Variants in ZNF324B observed in about 807,000 individuals in gnomAD.
ZNF324B encodes zinc finger protein 324B.
In ZNF324B, 7 loss-of-function variants were observed where a neutral mutation model predicts 10.6. That is an observed-to-expected ratio of 0.66 (90% CI 0.38 to 1.24). The LOEUF (loss-of-function observed/expected upper bound fraction) is 1.24, where lower values mean the gene tolerates loss of function less well. ZNF324B is among the 50% of genes most tolerant of loss of function. The pLI is 0.02. For synonymous variants in ZNF324B, 316 were observed against 321.0 expected (o/e 0.98, Z 0.17); for missense variants, 640 against 764.7 (o/e 0.84, Z 1.92).
Position 58,455,233 on chromosome 19 carries a change from G to A in ZNF324B, c.289G>A (p.Ala97Thr), listed in dbSNP as rs751263920. ...AGATGTTTCTGGAGAATGGCCACGA[G>A]CTTTCCCAGATACCCCACCTGGGAT... ...DRDVSGEWPR[A>T]FPDTPPGMTT... The change falls in exon 4 of 4, where the codon GCT (alanine) becomes ACT (threonine). Residue 97 changes from alanine (A) to threonine (T), a missense_variant. Ala to Thr is a moderately conservative substitution (Grantham distance 58). Transcript: ENST00000336614. The surrounding 1 kb of genome is among the most constrained non-coding windows in gnomAD (Gnocchi z 7.0). The A allele has an allele frequency of 1.9e-6, 3 of 1,614,212 alleles. No individual in the cohort carries two copies. Among genetic ancestry groups the A allele is most frequent in the Non-Finnish European group, 1.7e-6 (2 of 1,180,038 alleles).
At chr19:58,432,966 A>T in the ZNF324B span, 1 of 173,022 alleles carries the variant, frequency 5.8e-6, no homozygotes. Flanking sequence ...TCCTGAGCTC[A>T]AATTAGATTT....
chr19:58,430,844 A>C, the ZNF324B span: 1 of 152,212 alleles, frequency 6.6e-6, no homozygotes, highest in Non-Finnish European at 1.5e-5. Context: ...GCTTCTCCCT[A>C]TCATGGCCTG....
At position 58,456,132 on chromosome 19, in the gene ZNF324B, C is replaced by T. The variant is rs748299553; in HGVS notation, c.1188C>T (p.Pro396=). ...AGCGTACGCACACAGGCGAGAAGCC[C>T]TTCGTATGCGCGCTCTGCGGTGCTG... ...QHERTHTGEK[P]FVCALCGAAF... The change falls in exon 4 of 4, where the codon CCC becomes CCT. Residue 396 remains proline (P), a synonymous_variant. Coordinates refer to ENST00000336614, the MANE Select transcript of ZNF324B (RefSeq NM_207395.3). The surrounding 1 kb of genome is among the most constrained non-coding windows in gnomAD (Gnocchi z 4.7). The T allele has an allele frequency of 7.4e-6, 12 of 1,613,422 alleles. No individual in the cohort carries two copies. Among genetic ancestry groups the T allele is most frequent in the African/African-American group, 2.7e-5 (2 of 74,932 alleles).
chr19:58,424,335 T>G, the ZNF324B span, among the ~76,000 whole-genome samples: 1 of 152,310 alleles, frequency 6.6e-6, no homozygotes, highest in South Asian at 2.1e-4. Flanking sequence ...GCTAAATATA[T>G]TCGACATCTT....
chr19:58,434,960 T>C, the ZNF324B span: 6 of 1,614,182 alleles, frequency 3.7e-6, no homozygotes, highest in African/African-American at 8.0e-5. Flanking sequence ...CTGTGCTCCT[T>C]CTGGTGCTGG....
chr19:58,452,494 C>G (rs1241076748), intron 1 of ZNF324B: 2 of 153,304 alleles, frequency 1.3e-5, no homozygotes, highest in Non-Finnish European at 2.9e-5. Context: ...GGTGGGCGAC[C>G]AGGTGAATTC....
chr19:58,431,771 CAGG>C, the ZNF324B span, among the ~76,000 whole-genome samples: 12 of 152,166 alleles, frequency 7.9e-5, no homozygotes, highest in Non-Finnish European at 1.5e-5. Context: ...GCAGGCAGAT[CAGG>C]AGGTCAGGAG....
chr19:58,454,195 T>C (rs758137523), intron 2 of ZNF324B, 33 bp from the exon 3 acceptor site: 1 of 1,471,830 alleles, frequency 6.8e-7, no homozygotes, highest in East Asian at 2.3e-5. Context: ...TGTCTTGACC[T>C]GGGGCTGGGC....
rs752670633 is a variant in ZNF324B, at chr19:58,455,223, A to G, written c.279A>G (p.Glu93=). The G allele has an allele frequency of 7.4e-6, 12 of 1,614,048 alleles. No homozygotes were observed. In the Admixed American group the frequency reaches 1.8e-4, roughly 25 times the overall value. Reference sequence around the variant, plus strand: ...CAGAGGATAGAGATGTTTCTGGAGAATGGCCACGAGCTTTCCCAGATACCC... The same window carrying G: ...CAGAGGATAGAGATGTTTCTGGAGAGTGGCCACGAGCTTTCCCAGATACCC... ...SLTEDRDVSG[E]WPRAFPDTPP... The change falls in exon 4 of 4, where the codon GAA becomes GAG. Residue 93 remains glutamate (E), a synonymous_variant. Coordinates refer to ENST00000336614, the MANE Select transcript of ZNF324B (RefSeq NM_207395.3). The surrounding 1 kb of genome is among the most constrained non-coding windows in gnomAD (Gnocchi z 7.0).
In ZNF324B at chr19:58,455,105, C is replaced by A. The variant is rs542043893; in HGVS notation, c.239-78C>A. On this transcript the variant is annotated intron_variant, in intron 3 of 3. Transcript: ENST00000336614. The surrounding 1 kb of genome is among the most constrained non-coding windows in gnomAD (Gnocchi z 7.0). ...CTTTTGTCCCGGCTCCTGGGCTCCC[C>A]CTTGCCTGTCCACTCAGCCTGCCCT... 6.3e-7 allele frequency: 1 copy of A among 1,581,400 alleles called. No homozygotes were observed. Among genetic ancestry groups the A allele is most frequent in the East Asian group, 2.2e-5 (1 of 44,766 alleles).
chr19:58,445,359 A>G, the ZNF324B span: 4 of 513,278 alleles, frequency 7.8e-6, no homozygotes, highest in Admixed American at 2.0e-5. Context: ...CTTGATGTGC[A>G]CAAAGTGATT....
the ZNF324B span, among the ~76,000 whole-genome samples, chr19:58,439,266 C>T: frequency 1.3e-5 from 2 of 152,174 alleles, no homozygotes; most frequent in Admixed American, 6.5e-5. Flanking sequence ...ATCACCATCC[C>T]TCCAGTCTGC....
intron 3 of ZNF324B, chr19:58,454,837 C>A (rs1031381757): frequency 3.8e-6 from 2 of 527,044 alleles, no homozygotes; most frequent in African/African-American, 1.9e-5. Flanking sequence ...GTGCCCAAGA[C>A]GGGGCACCAG....
In ZNF324B at chr19:58,456,676, C is replaced by G; in HGVS notation, c.*97C>G. 3 of 1,424,666 alleles carry G rather than the reference C, an allele frequency of 2.1e-6. No homozygotes were observed. Among genetic ancestry groups the G allele is most frequent in the Non-Finnish European group, 2.8e-6 (3 of 1,058,808 alleles). The allele number at this position is 1,424,666 out of a possible 1,614,324, so 88.3% of individuals were successfully genotyped here. On this transcript the variant is annotated 3_prime_UTR_variant, in exon 4 of 4. Transcript: ENST00000336614. This position sits in a 1 kb window ranked among gnomAD's most constrained non-coding sequence, Gnocchi z 4.7. ...TCTTCAGATCCACGATGGGGAAAAG[C>G]TCTGTGCCTGAGAGTCAGGGACGAG...
chr19:58,431,433 C>G, the ZNF324B span, among the ~76,000 whole-genome samples: 2 of 152,130 alleles, frequency 1.3e-5, no homozygotes, highest in Non-Finnish European at 2.9e-5. Flanking sequence ...CCCAGGCCAC[C>G]CTTCTTTTCT....
chr19:58,444,428 A>C, the ZNF324B span: 1 of 152,232 alleles, frequency 6.6e-6, no homozygotes, highest in Non-Finnish European at 1.5e-5. Flanking sequence ...TGAGACCAGG[A>C]GTTTGAGTCC....
chr19:58,447,544 T>A (rs1318227559), upstream of ZNF324B, among the ~76,000 whole-genome samples: 1 of 152,230 alleles, frequency 6.6e-6, no homozygotes, highest in East Asian at 1.9e-4. Context: ...AAAAATAAAG[T>A]GTTTAAGAAG....
rs138131580 is a variant in ZNF324B at position 58,455,619 on chromosome 19, C to T, written c.675C>T (p.Gly225=). The stretch of plus-strand genomic sequence containing the variant: ...GTGGTGGCAGGGATCGCAGAATGGG[C>T]GCAGCTTGGCAGGAGCCTCATAGAC... ...AASGGRDRRM[G]AAWQEPHRLL... Residue 225 remains glycine (G), a synonymous_variant, in exon 4 of 4, where the codon GGC becomes GGT. Coordinates refer to ENST00000336614, the MANE Select transcript of ZNF324B (RefSeq NM_207395.3). This position sits in a 1 kb window ranked among gnomAD's most constrained non-coding sequence, Gnocchi z 7.0. 26 of 1,613,856 alleles carry T rather than the reference C, an allele frequency of 1.6e-5. No homozygotes were observed. The African/African-American group carries it at 2.1e-4, about 13-fold the overall frequency.
upstream of ZNF324B, among the ~76,000 whole-genome samples, chr19:58,446,886 GTCTTTTCTTTTT>G (rs926407814): frequency 2.0e-5 from 3 of 151,596 alleles, no homozygotes; most frequent in East Asian, 3.9e-4. Context: ...CTCTCCTTTT[GTCTTTTCTTTTT>G]TCTTTTCTTT....
Sources: gnomAD v4.1 joint callset for allele counts (sites outside exome capture counted in the v4.1 genomes callset) on GRCh38, gnomAD v4.1.1 for gene constraint, Gnocchi (gnomAD v3.1) non-coding constraint, MANE v1.5 for transcripts, NCBI Gene and HGNC (gene_info 2026-07-23, HGNC 2026-07-21) for gene names.